Variants in ARHGAP22 observed in about 807,000 individuals in gnomAD.
ARHGAP22 encodes the protein rho GTPase-activating protein 22.
A neutral mutation model predicts 59.1 loss-of-function variants in ARHGAP22; 48 were observed. That is an observed-to-expected ratio of 0.81 (90% CI 0.64 to 1.03). The LOEUF (loss-of-function observed/expected upper bound fraction) is 1.03, where lower values mean the gene tolerates loss of function less well. Among genes scored for constraint, ARHGAP22 ranks in the 50% least tolerant of loss-of-function variants. The probability of loss-of-function intolerance (pLI) is 0.00; values close to 1 mark genes in which losing one functional copy is unlikely to be tolerated. For synonymous variants in ARHGAP22, 445 were observed against 416.4 expected (o/e 1.07, Z -0.84); for missense variants, 1,015 against 958.7 (o/e 1.06, Z -0.78).
At chr10:48,519,346 A>C (rs73298221) in intron 3 of ARHGAP22, among the ~76,000 whole-genome samples, 1,664 of 152,308 alleles carry the variant, frequency 0.011, 36 homozygotes, top group African/African-American at 0.038. Flanking sequence ...CAGTGAGCCC[A>C]AGCCTGGCAG....
At position 48,450,865 on chromosome 10, in the gene ARHGAP22, C is replaced by A; in HGVS notation, c.1264G>T (p.Val422Leu). 6.3e-7 allele frequency: 1 copy of A among 1,590,004 alleles called. No homozygotes were observed. ...GACTTCCAACTGGGCAGGGTCTGCA[C>A]CTTCTTCCCAGGGCTGCACCGGCTC... is the stretch of plus-strand genomic sequence containing the variant. ...PGSRCSPGKK[V>L]QTLPSWKSSF... The change falls in exon 9 of 10, where the codon GTG becomes TTG. Residue 422 changes from valine to leucine, a missense_variant. Coordinates refer to ENST00000249601, the MANE Select transcript of ARHGAP22 (RefSeq NM_021226.4).
chr10:48,581,961 G>A (rs1370364571), intron 2 of ARHGAP22, among the ~76,000 whole-genome samples: 1 of 152,196 alleles, frequency 6.6e-6, no homozygotes, highest in African/African-American at 2.4e-5. Flanking sequence ...TTTAAAAGGA[G>A]GATCCAAGTG....
intron 4 of ARHGAP22, among the ~76,000 whole-genome samples, chr10:48,476,295 TC>T (rs1275712099): frequency 1.3e-5 from 2 of 152,144 alleles, no homozygotes; most frequent in African/African-American, 4.8e-5. Context: ...GCAGTGAGGC[TC>T]CCCTGACCAC....
At chr10:48,554,244 G>A (rs1270243204) in intron 3 of ARHGAP22, among the ~76,000 whole-genome samples, 2 of 152,236 alleles carry the variant, frequency 1.3e-5, no homozygotes, top group Non-Finnish European at 2.9e-5. Context: ...ACAGGACAAA[G>A]GTAGACATGC....
intron 3 of ARHGAP22, among the ~76,000 whole-genome samples, chr10:48,547,266 GC>G (rs1382173331): frequency 6.6e-6 from 1 of 152,212 alleles, no homozygotes; most frequent in Non-Finnish European, 1.5e-5. Context: ...CAACCCCATG[GC>G]CCTGATTCCC....
At chr10:48,542,353 T>C (rs147163889) in intron 3 of ARHGAP22, among the ~76,000 whole-genome samples, 7 of 152,376 alleles carry the variant, frequency 4.6e-5, no homozygotes, top group African/African-American at 1.7e-4. Flanking sequence ...TGAAGGGCTC[T>C]GCATTTAGAA....
intron 1 of ARHGAP22, among the ~76,000 whole-genome samples, chr10:48,644,690 G>A (rs2062215834): frequency 6.6e-6 from 1 of 152,072 alleles, no homozygotes; most frequent in Non-Finnish European, 1.5e-5. Context: ...CATCACACAG[G>A]AAATCAGAAG....
intron 3 of ARHGAP22, among the ~76,000 whole-genome samples, chr10:48,496,386 C>T (rs540791791): frequency 3.3e-5 from 5 of 152,282 alleles, no homozygotes; most frequent in African/African-American, 4.8e-5. Flanking sequence ...GCCACATACA[C>T]GCAATCACAT....
intron 1 of ARHGAP22, among the ~76,000 whole-genome samples, chr10:48,638,190 C>T (rs536262244): frequency 6.6e-6 from 1 of 152,274 alleles, no homozygotes; most frequent in East Asian, 1.9e-4. Context: ...CTTGGCTAGG[C>T]TGAGTTACAC....
chr10:48,569,523 G>A (rs1352617616), intron 2 of ARHGAP22, among the ~76,000 whole-genome samples: 3 of 152,162 alleles, frequency 2.0e-5, no homozygotes, highest in Non-Finnish European at 4.4e-5. Context: ...CTGCTTCAAT[G>A]TTACTTGATT....
chr10:48,460,844 G>A (rs973818591), intron 4 of ARHGAP22, among the ~76,000 whole-genome samples: 4 of 151,600 alleles, frequency 2.6e-5, no homozygotes, highest in Non-Finnish European at 5.9e-5. Context: ...ATAAAATATG[G>A]GTGAACCTGA....
intron 1 of ARHGAP22, among the ~76,000 whole-genome samples, chr10:48,625,693 TACACAC>T (rs56897057): frequency 0.059 from 8,170 of 138,828 alleles, 274 homozygotes; most frequent in African/African-American, 0.1. Flanking sequence ...CTGCAACGTG[TACACAC>T]ACACACACAC....
chr10:48,635,027 T>G (rs2061759730), intron 1 of ARHGAP22, among the ~76,000 whole-genome samples: 1 of 152,138 alleles, frequency 6.6e-6, no homozygotes, highest in South Asian at 2.1e-4. Flanking sequence ...TACATGTATG[T>G]TGTGAAAGCC....
rs576217031 is a variant in ARHGAP22, at chr10:48,584,229, T to C, written c.35-1077A>G. 7.2e-5 allele frequency among the ~76,000 whole-genome samples: 11 copies of C among 152,372 alleles called. No homozygotes were observed. In the East Asian group the frequency reaches 1.3e-3, roughly 19 times the overall value. On this transcript the variant is annotated intron_variant, in intron 1 of 9. Transcript: ENST00000249601. ...ACCTACAATTCTTGCACTGTATCTGTGATTCTGTGTGTGTGGGTGTAAGCT... is the reference window on the plus strand; with the variant it reads ...ACCTACAATTCTTGCACTGTATCTGCGATTCTGTGTGTGTGGGTGTAAGCT...
chr10:48,461,894 G>A (rs888123477), intron 4 of ARHGAP22, among the ~76,000 whole-genome samples: 2 of 152,204 alleles, frequency 1.3e-5, no homozygotes, highest in African/African-American at 2.4e-5. Context: ...GGCTCCATTT[G>A]TCTTACTTAG....
At chr10:48,613,361 A>C (rs1009913493) in intron 1 of ARHGAP22, among the ~76,000 whole-genome samples, 1 of 152,208 alleles carries the variant, frequency 6.6e-6, no homozygotes, top group African/African-American at 2.4e-5. Context: ...CAAGGGCTTT[A>C]TAGTTTAGTA....
At chr10:48,595,113 C>G (rs2059989045) in intron 1 of ARHGAP22, among the ~76,000 whole-genome samples, 1 of 152,192 alleles carries the variant, frequency 6.6e-6, no homozygotes, top group Non-Finnish European at 1.5e-5. Flanking sequence ...TGCCGTGGGC[C>G]AGGGATGTTT....
chr10:48,449,192 G>A (rs779798712), intron 9 of ARHGAP22, among the ~76,000 whole-genome samples: 2 of 152,236 alleles, frequency 1.3e-5, no homozygotes, highest in Non-Finnish European at 2.9e-5. Flanking sequence ...GCAGCAGATA[G>A]CATCTTCTAC....
At chr10:48,635,896 C>T (rs1308591534) in intron 1 of ARHGAP22, among the ~76,000 whole-genome samples, 1 of 152,206 alleles carries the variant, frequency 6.6e-6, no homozygotes, top group Non-Finnish European at 1.5e-5. Context: ...GTTTTCTCCT[C>T]TGTAAAATGG....
Sources: gnomAD v4.1 joint callset for allele counts (sites outside exome capture counted in the v4.1 genomes callset) on GRCh38, gnomAD v4.1.1 for gene constraint, MANE v1.5 for transcripts, NCBI Gene and HGNC (gene_info 2026-07-23, HGNC 2026-07-21) for gene names.